The following PJA2 variants were observed in gnomAD, a reference collection of about 807,000 sequenced individuals.
PJA2 encodes the protein E3 ubiquitin-protein ligase Praja-2.
Under a neutral mutation model 69.3 loss-of-function variants are expected in PJA2, and 25 were observed. That is an observed-to-expected ratio of 0.36 (90% confidence interval 0.26 to 0.50). The LOEUF (loss-of-function observed/expected upper bound fraction) is 0.50, where lower values mean the gene tolerates loss of function less well. Among genes scored for constraint, PJA2 ranks in the 20% least tolerant of loss-of-function variants. PJA2 has a pLI of 0.96. For synonymous variants in PJA2, 308 were observed against 277.8 expected (o/e 1.11, Z -1.08); for missense variants, 809 against 830.2 (o/e 0.97, Z 0.31).
chr5:109,408,335 T>C (rs186547750), intron 1 of PJA2, among the ~76,000 whole-genome samples: 43 of 152,298 alleles, frequency 2.8e-4, no homozygotes, highest in Middle Eastern at 3.4e-3. Context: ...TCATTTGTAA[T>C]AGCAAAAAGA....
intron 4 of PJA2, among the ~76,000 whole-genome samples, chr5:109,377,542 A>G (rs1172335728): frequency 6.6e-6 from 1 of 152,152 alleles, no homozygotes; most frequent in Non-Finnish European, 1.5e-5. Context: ...ATAGCAAAGA[A>G]TAGTGGTGAA....
At chr5:109,406,314 A>T (rs1435127772) in intron 1 of PJA2, among the ~76,000 whole-genome samples, 1 of 152,186 alleles carries the variant, frequency 6.6e-6, no homozygotes, top group African/African-American at 2.4e-5. Context: ...TGCTGGGATT[A>T]CAGGCGTGAG....
intron 7 of PJA2, among the ~76,000 whole-genome samples, chr5:109,354,605 A>C (rs1412738983): frequency 7.0e-6 from 1 of 142,992 alleles, no homozygotes; most frequent in East Asian, 2.0e-4. Flanking sequence ...TTACATATCG[A>C]TATCTAATAT....
chr5:109,377,792 A>G (rs1303048619), intron 4 of PJA2, among the ~76,000 whole-genome samples: 1 of 152,198 alleles, frequency 6.6e-6, no homozygotes, highest in Non-Finnish European at 1.5e-5. Flanking sequence ...GAAACAAGTG[A>G]TATTAGTCAC....
chr5:109,346,421 A>T (rs1481049406), intron 7 of PJA2, among the ~76,000 whole-genome samples: 2 of 152,258 alleles, frequency 1.3e-5, no homozygotes, highest in Non-Finnish European at 2.9e-5. Flanking sequence ...ACCCAAAAAG[A>T]ACTGAAAACA....
At chr5:109,404,279 G>C (rs1747630827) in intron 1 of PJA2, among the ~76,000 whole-genome samples, 1 of 151,810 alleles carries the variant, frequency 6.6e-6, no homozygotes, top group African/African-American at 2.4e-5. Context: ...CCAGCACTTT[G>C]GGAGGCCAAG....
chr5:109,361,375 A>G (rs1468011189), intron 6 of PJA2, among the ~76,000 whole-genome samples: 1 of 152,202 alleles, frequency 6.6e-6, no homozygotes, highest in African/African-American at 2.4e-5. Context: ...GTTAAATCTT[A>G]GTGCCCCTAT....
intron 1 of PJA2, among the ~76,000 whole-genome samples, chr5:109,388,458 T>C (rs1316329808): frequency 5.3e-5 from 8 of 152,218 alleles, no homozygotes; most frequent in Non-Finnish European, 1.5e-5. Flanking sequence ...TCTGAGTTGC[T>C]ATGTCCACTG....
chr5:109,342,061 CCCTCCGCCCGG>C (rs1762076802), intron 9 of PJA2, among the ~76,000 whole-genome samples: 1 of 132,862 alleles, frequency 7.5e-6, no homozygotes, highest in Non-Finnish European at 1.7e-5. Context: ...GGGGGGTCAG[CCCTCCGCCCGG>C]CCAGCCGCCC....
At chr5:109,397,595 T>TG (rs1747444699) in intron 1 of PJA2, among the ~76,000 whole-genome samples, 1 of 151,998 alleles carries the variant, frequency 6.6e-6, no homozygotes, top group East Asian at 1.9e-4. Context: ...CTTGGCTCAC[T>TG]GCAACCTCTG....
chr5:109,346,548 T>C (rs950172639), intron 7 of PJA2, among the ~76,000 whole-genome samples: 4 of 152,214 alleles, frequency 2.6e-5, no homozygotes, highest in African/African-American at 9.6e-5. Flanking sequence ...AAATGTGATA[T>C]ACACATACAG....
At chr5:109,361,170 C>T (rs1045824466) in intron 6 of PJA2, among the ~76,000 whole-genome samples, 1 of 152,112 alleles carries the variant, frequency 6.6e-6, no homozygotes, top group African/African-American at 2.4e-5. Flanking sequence ...TTCCATTATT[C>T]CTTCAAATAT....
At chr5:109,390,785 T>A (rs1747264688) in intron 1 of PJA2, 2 of 152,140 alleles carry the variant, frequency 1.3e-5, no homozygotes, top group Non-Finnish European at 2.9e-5. Context: ...GTATCCTTGA[T>A]GTATGCTGGA....
chr5:109,350,038 AG>A (rs1408261426), intron 7 of PJA2, among the ~76,000 whole-genome samples: 1 of 152,190 alleles, frequency 6.6e-6, no homozygotes, highest in Non-Finnish European at 1.5e-5. Flanking sequence ...TGTTATTTAT[AG>A]TAACTTTCAT....
In PJA2 at chr5:109,378,668, A is replaced by G; in HGVS notation, c.819T>C (p.Thr273=). ...EMVSTKQQNN[T]SQERQTEHSP... ...AATGTTCTGTCTGTCTTTCCTGGCT[A>G]GTATTATTTTGTTGTTTCGTACTAA... The change falls in exon 4 of 10, where the codon ACT becomes ACC. Residue 273 remains threonine (T), a synonymous_variant. Transcript: ENST00000361189. 6.2e-6 allele frequency: 10 copies of G among 1,614,028 alleles called. No individual in the cohort carries two copies. The highest frequency in any genetic ancestry group is 8.5e-6 in the Non-Finnish European group (10 of 1,180,008).
intron 5 of PJA2, among the ~76,000 whole-genome samples, chr5:109,364,674 C>G (rs1306331345): frequency 1.3e-5 from 2 of 151,260 alleles, no homozygotes; most frequent in Non-Finnish European, 2.9e-5. Flanking sequence ...ATATAAAACC[C>G]TGAAGTCACA....
At chr5:109,387,464 T>C (rs949459141) in intron 1 of PJA2, among the ~76,000 whole-genome samples, 9 of 152,206 alleles carry the variant, frequency 5.9e-5, no homozygotes, top group African/African-American at 2.2e-4. Context: ...TTTCTCTAAA[T>C]AGACATTTCC....
chr5:109,379,737 T>C (rs977358950), intron 3 of PJA2, among the ~76,000 whole-genome samples: 3 of 152,202 alleles, frequency 2.0e-5, no homozygotes, highest in African/African-American at 7.2e-5. Context: ...TTAGACCCTA[T>C]TGTGTTTTGT....
chr5:109,348,933 T>C (rs1435474567), intron 7 of PJA2, among the ~76,000 whole-genome samples: 1 of 152,224 alleles, frequency 6.6e-6, no homozygotes, highest in Non-Finnish European at 1.5e-5. Context: ...TTCCCATTTC[T>C]ATTTCAATAT....
Sources: gnomAD v4.1 joint callset for allele counts (sites outside exome capture counted in the v4.1 genomes callset) on GRCh38, gnomAD v4.1.1 for gene constraint, MANE v1.5 for transcripts, NCBI Gene and HGNC (gene_info 2026-07-23, HGNC 2026-07-21) for gene names.